The following NCKAP1 variants were observed in gnomAD, a reference collection of about 807,000 sequenced individuals.
The protein encoded by NCKAP1 is nck-associated protein 1.
A neutral mutation model predicts 151.2 loss-of-function variants in NCKAP1; 21 were observed. The observed-to-expected ratio is 0.14, with a 90% confidence interval of 0.10 to 0.20. NCKAP1 has a LOEUF of 0.20. NCKAP1 is among the 10% of genes least tolerant of loss of function. NCKAP1 has a pLI of 1.00. For synonymous variants in NCKAP1, 484 were observed against 451.8 expected, an observed-to-expected ratio of 1.07 and a Z score of -0.90; for missense variants, 933 against 1,352.1, an observed-to-expected ratio of 0.69 and a Z score of 4.86.
At position 182,910,127 on chromosome 2, in the gene NCKAP1, T is replaced by G. The variant is rs554714541; in HGVS notation, c.*15575A>C. ...CTGGCTCTTTAACTGGTTCAGACTC[T>G]ACTATCTTGGAGGACTGCAGGTGCC... On this transcript the variant is annotated 3_prime_UTR_variant, in exon 31 of 31. Transcript: ENST00000361354. 21 of 152,408 alleles carry G rather than the reference T, an allele frequency of 1.4e-4. No homozygotes were observed. In the East Asian group the frequency reaches 4.0e-3, roughly 29 times the overall value. 9.4% of individuals were successfully genotyped at this position (152,408 alleles called of 1,614,324 possible).
chr2:183,038,075 T>A lies in NCKAP1; in HGVS notation c.25A>T (p.Ser9Cys). 1 of 1,587,114 alleles carries A rather than the reference T, an allele frequency of 6.3e-7. No individual in the cohort carries two copies. The highest frequency in any genetic ancestry group is 8.5e-7 in the Non-Finnish European group (1 of 1,173,870). The change falls in exon 1 of 31, where the codon AGT becomes TGT. Residue 9 changes from serine to cysteine, a missense_variant. Around this residue, in one of 2 missense-constraint regions of NCKAP1, gnomAD observed 607 missense variants for 795.0 expected, o/e 0.76. Coordinates refer to ENST00000361354, the MANE Select transcript of NCKAP1 (RefSeq NM_013436.5). Reference protein sequence around the residue: MSRSVLQPSQQKLAEKLTI... With the variant: MSRSVLQPCQQKLAEKLTI... ...AGCTTCTCCGCCAGCTTCTGCTGAC[T>A]GGGCTGCAGCACTGAGCGCGACATG...
At chr2:183,021,766 G>A (rs1698801918) in intron 2 of NCKAP1, among the ~76,000 whole-genome samples, 1 of 152,126 alleles carries the variant, frequency 6.6e-6, no homozygotes, top group African/African-American at 2.4e-5. Context: ...GTACATCAGT[G>A]GTTGCCTTAG....
At chr2:183,027,894 T>A (rs1160299610) in intron 1 of NCKAP1, among the ~76,000 whole-genome samples, 1 of 152,190 alleles carries the variant, frequency 6.6e-6, no homozygotes, top group East Asian at 1.9e-4. Flanking sequence ...TCATATATCT[T>A]TCTATTACAT....
Position 182,925,645 on chromosome 2 carries a change from C to G in NCKAP1, c.*57G>C. On this transcript the variant is annotated 3_prime_UTR_variant, in exon 31 of 31. Transcript: ENST00000361354. ...TCTTAAGGTAAAATAGTTCCACAGT[C>G]TACAGGTAAAACCAAGGCAACAAAA... 1 of 963,702 alleles carries G rather than the reference C, an allele frequency of 1.0e-6. No individual in the cohort carries two copies. The highest frequency in any genetic ancestry group is 1.5e-6 in the Non-Finnish European group (1 of 650,400). 59.7% of individuals were successfully genotyped at this position (963,702 alleles called of 1,614,324 possible).
intron 2 of NCKAP1, among the ~76,000 whole-genome samples, chr2:183,018,858 G>C (rs1160421073): frequency 6.6e-6 from 1 of 152,046 alleles, no homozygotes; most frequent in Non-Finnish European, 1.5e-5. Flanking sequence ...TTTTTAAAAG[G>C]CTCTATTGCT....
At chr2:182,942,040 T>C in intron 24 of NCKAP1, 30 bp downstream of exon 24, 2 of 1,546,634 alleles carry the variant, frequency 1.3e-6, no homozygotes, top group Non-Finnish European at 8.8e-7. Flanking sequence ...GATCTTCTTA[T>C]GTTTATAAAA....
At chr2:182,969,359 G>A (rs1328679581) in intron 15 of NCKAP1, among the ~76,000 whole-genome samples, 2 of 151,904 alleles carry the variant, frequency 1.3e-5, no homozygotes, top group Non-Finnish European at 2.9e-5. Context: ...AGAAATTAAG[G>A]AAATAAAAAA....
chr2:182,938,139 C>G (rs989151017), intron 24 of NCKAP1, among the ~76,000 whole-genome samples: 1 of 152,122 alleles, frequency 6.6e-6, no homozygotes, highest in Non-Finnish European at 1.5e-5. Context: ...GTTACATGTC[C>G]CTGGGTTATA....
rs1473227827 is a variant in NCKAP1 at position 182,910,267 on chromosome 2, C to T, written c.*15435G>A. The T allele has an allele frequency of 3.3e-5, 5 of 152,196 alleles. No homozygotes were observed. The highest frequency in any genetic ancestry group is 7.3e-5 in the Non-Finnish European group (5 of 68,054). The allele number at this position is 152,196 out of a possible 1,614,324, so 9.4% of individuals were successfully genotyped here. On this transcript the variant is annotated 3_prime_UTR_variant, in exon 31 of 31. Transcript: ENST00000361354. ...GACAACCCTTGCCACCCCACTCAAG[C>T]TACAGTTTTTGATTGAGTAGGAAAG...
intron 8 of NCKAP1, among the ~76,000 whole-genome samples, chr2:182,991,360 C>A (rs558686674): frequency 6.6e-6 from 1 of 152,174 alleles, no homozygotes; most frequent in East Asian, 1.9e-4. Flanking sequence ...GAGTTTGAGA[C>A]CAGTTTGGCC....
At position 183,001,996 on chromosome 2, in the gene NCKAP1, T is replaced by A. The variant is rs1429780404; in HGVS notation, c.560A>T (p.Asn187Ile). Reference sequence around the variant, plus strand: ...TTCTTCCATCATCTTCTTTAAAGGGTTTTCATAATCCACAATCATCTGGCC... The same window carrying A: ...TTCTTCCATCATCTTCTTTAAAGGGATTTCATAATCCACAATCATCTGGCC... Reference protein sequence around the residue: ...RLGQMIVDYENPLKKMMEEFV... With the variant: ...RLGQMIVDYEIPLKKMMEEFV... Residue 187 changes from asparagine to isoleucine, a missense_variant, in exon 6 of 31, where the codon AAC becomes ATC. By Grantham distance (149) the Asn-to-Ile change is moderately radical. This residue lies in a region of NCKAP1 where 607 missense variants were observed against 795.0 expected (regional missense o/e 0.76). Transcript: ENST00000361354. 6.2e-7 allele frequency: 1 copy of A among 1,613,696 alleles called. No homozygotes were observed. Among genetic ancestry groups the A allele is most frequent in the Non-Finnish European group, 8.5e-7 (1 of 1,179,866 alleles).
intron 2 of NCKAP1, among the ~76,000 whole-genome samples, chr2:183,016,489 T>C (rs975313251): frequency 6.6e-6 from 1 of 152,244 alleles, no homozygotes; most frequent in African/African-American, 2.4e-5. Context: ...TCTCATTGTA[T>C]CAAAATTCCT....
chr2:183,025,262 T>C (rs539228123), intron 1 of NCKAP1, among the ~76,000 whole-genome samples: 3 of 152,198 alleles, frequency 2.0e-5, no homozygotes, highest in Middle Eastern at 3.4e-3. Context: ...TAAACCAACT[T>C]AAAATAATAC....
At chr2:183,019,636 C>A (rs1382101380) in intron 2 of NCKAP1, among the ~76,000 whole-genome samples, 1 of 152,182 alleles carries the variant, frequency 6.6e-6, no homozygotes, top group African/African-American at 2.4e-5. Context: ...CTCAAAAATA[C>A]TTGGCTTAAT....
chr2:183,034,870 TC>T (rs1699073229), intron 1 of NCKAP1, among the ~76,000 whole-genome samples: 1 of 152,090 alleles, frequency 6.6e-6, no homozygotes, highest in African/African-American at 2.4e-5. Flanking sequence ...CAGTTAATTT[TC>T]CCCATTTTAC....
At chr2:182,973,513 T>C (rs1416361824) in intron 15 of NCKAP1, among the ~76,000 whole-genome samples, 2 of 151,970 alleles carry the variant, frequency 1.3e-5, no homozygotes, top group Non-Finnish European at 2.9e-5. Flanking sequence ...CAGAGAAAGA[T>C]GAAAGTGACC....
At chr2:183,028,937 C>T (rs949645292) in intron 1 of NCKAP1, among the ~76,000 whole-genome samples, 1 of 133,442 alleles carries the variant, frequency 7.5e-6, no homozygotes, top group Non-Finnish European at 1.6e-5. Flanking sequence ...CACGGTGAAA[C>T]CCCGTTTCTA....
At chr2:183,011,723 G>C (rs1698593107) in intron 2 of NCKAP1, among the ~76,000 whole-genome samples, 1 of 152,146 alleles carries the variant, frequency 6.6e-6, no homozygotes, top group Non-Finnish European at 1.5e-5. Context: ...ATTCTGCTAT[G>C]AACATGTCTT....
rs1696355121 is a variant in NCKAP1 at position 182,909,480 on chromosome 2, A to G, written c.*16222T>C. The G allele has an allele frequency of 6.6e-6, 1 of 152,214 alleles. No individual in the cohort carries two copies. Among genetic ancestry groups the G allele is most frequent in the Admixed American group, 6.5e-5 (1 of 15,280 alleles). 9.4% of individuals were successfully genotyped at this position (152,214 alleles called of 1,614,324 possible). The stretch of plus-strand genomic sequence containing the variant: ...CTTTTGTGGCTGGCTTATTTCACTC[A>G]GCATAATTAATGTCTTCAAGGTTCA... On this transcript the variant is annotated 3_prime_UTR_variant, in exon 31 of 31. Coordinates refer to ENST00000361354, the MANE Select transcript of NCKAP1 (RefSeq NM_013436.5).
Sources: gnomAD v4.1 joint callset for allele counts (sites outside exome capture counted in the v4.1 genomes callset) on GRCh38, gnomAD v4.1.1 for gene constraint, gnomAD v4.1.1 regional missense constraint, MANE v1.5 for transcripts, NCBI Gene and HGNC (gene_info 2026-07-23, HGNC 2026-07-21) for gene names.